EPM2A: variants seen among roughly 807,000 people sequenced by gnomAD.
The protein encoded by EPM2A is laforin.
Under a neutral mutation model 26.5 loss-of-function variants are expected in EPM2A, and 21 were observed. The observed-to-expected ratio is 0.79, with a 90% CI of 0.56 to 1.14. The LOEUF (loss-of-function observed/expected upper bound fraction) is 1.14. Among genes scored for constraint, EPM2A ranks in the 50% most tolerant of loss-of-function variants. The pLI is 0.00. For missense variants in EPM2A, 458 were observed against 440.8 expected (o/e 1.04, Z -0.35); for synonymous variants, 217 against 177.6 (o/e 1.22, Z -1.76).
chr6:145,593,346 CA>C (rs1350679727), intron 2 of EPM2A, among the ~76,000 whole-genome samples: 1 of 152,078 alleles, frequency 6.6e-6, no homozygotes, highest in Non-Finnish European at 1.5e-5. Flanking sequence ...TCTACTTCAA[CA>C]CACCTTTTCA....
chr6:145,488,765 T>C (rs1293495318), intron 4 of EPM2A, among the ~76,000 whole-genome samples: 1 of 152,138 alleles, frequency 6.6e-6, no homozygotes, highest in Non-Finnish European at 1.5e-5. Flanking sequence ...TAAATGATGC[T>C]CATCTTTTTT....
At chr6:145,716,104 C>T (rs771505352) in intron 1 of EPM2A, among the ~76,000 whole-genome samples, 1 of 152,194 alleles carries the variant, frequency 6.6e-6, no homozygotes, top group Non-Finnish European at 1.5e-5. Context: ...CAGCACATCA[C>T]TCCACTCATG....
intron 2 of EPM2A, among the ~76,000 whole-genome samples, chr6:145,679,833 G>C (rs1780364849): frequency 6.6e-6 from 1 of 152,132 alleles, no homozygotes; most frequent in Non-Finnish European, 1.5e-5. Flanking sequence ...TTCTTCAGAG[G>C]AGCTTTAAAC....
chr6:145,472,828 A>G (rs1779493912), intron 4 of EPM2A, among the ~76,000 whole-genome samples: 1 of 152,196 alleles, frequency 6.6e-6, no homozygotes, highest in Non-Finnish European at 1.5e-5. Flanking sequence ...CAAGAACCAC[A>G]GTGTTACTGG....
intron 1 of EPM2A, among the ~76,000 whole-genome samples, chr6:145,722,064 C>T (rs1428776498): frequency 6.6e-6 from 1 of 152,102 alleles, no homozygotes; most frequent in East Asian, 1.9e-4. Flanking sequence ...ATCATTAACC[C>T]TGGTAAATGA....
At position 145,710,361 on chromosome 6, in the gene EPM2A, C is replaced by T. The variant is rs576984299; in HGVS notation, c.302-24065G>A. On this transcript the variant is annotated intron_variant, in intron 1 of 3. Transcript: ENST00000367519. ...AAGACATTTATGCAGCCAAAAAACA[C>T]ATGAAAAAATGCTCACCATCACTGG... is the stretch of plus-strand genomic sequence containing the variant. Among the ~76,000 whole-genome samples the T allele has an allele frequency of 4.3e-4, 65 of 152,256 alleles. 2 individuals carry two copies. The Middle Eastern group carries it at 0.014, about 32-fold the overall frequency.
chr6:145,697,756 G>A (rs753043057), intron 1 of EPM2A, among the ~76,000 whole-genome samples: 12 of 152,250 alleles, frequency 7.9e-5, no homozygotes, highest in East Asian at 5.8e-4. Flanking sequence ...GCTCACTGGC[G>A]GTCAGAGTTT....
intron 2 of EPM2A, among the ~76,000 whole-genome samples, chr6:145,538,347 T>C (rs1266057425): frequency 6.6e-6 from 1 of 152,118 alleles, no homozygotes; most frequent in Non-Finnish European, 1.5e-5. Context: ...AACTTGGAAA[T>C]AAGAGCTATG....
chr6:145,443,247 A>AT (rs1779089258), intron 4 of EPM2A, among the ~76,000 whole-genome samples: 1 of 152,040 alleles, frequency 6.6e-6, no homozygotes, highest in Non-Finnish European at 1.5e-5. Flanking sequence ...CTTAGAATAC[A>AT]TTTTTCTAGT....
intron 4 of EPM2A, among the ~76,000 whole-genome samples, chr6:145,408,056 ATTCC>A (rs1295590411): frequency 6.6e-6 from 1 of 152,148 alleles, no homozygotes; most frequent in Non-Finnish European, 1.5e-5. Flanking sequence ...TGAGGACATA[ATTCC>A]TTATTTCTCC....
In EPM2A at chr6:145,489,044, T is replaced by C. The variant is rs535597582; in HGVS notation, c.555+13478A>G. ...CTGGTTTTGAAACGGCACATGGGTA[T>C]GGATTTTCTTTTCTTAACATTCTCG... On this transcript the variant is annotated intron_variant, in intron 4 of 4. Transcript: ENST00000638717. Among the ~76,000 whole-genome samples the C allele has an allele frequency of 2.0e-5, 3 of 152,298 alleles. No homozygotes were observed. The South Asian group carries it at 6.2e-4, about 32-fold the overall frequency.
chr6:145,657,171 C>T (rs983191893), intron 2 of EPM2A, among the ~76,000 whole-genome samples: 2 of 150,572 alleles, frequency 1.3e-5, no homozygotes, highest in Admixed American at 1.3e-4. Flanking sequence ...CTCACTGCAA[C>T]CTCCGCCTCC....
chr6:145,650,628 T>C (rs1170797720), intron 2 of EPM2A, among the ~76,000 whole-genome samples: 1 of 152,182 alleles, frequency 6.6e-6, no homozygotes, highest in Non-Finnish European at 1.5e-5. Flanking sequence ...GTTTTTGTTA[T>C]GCTATTTGAT....
chr6:145,466,341 C>G (rs1779392996), intron 4 of EPM2A, among the ~76,000 whole-genome samples: 1 of 152,124 alleles, frequency 6.6e-6, no homozygotes, highest in South Asian at 2.1e-4. Context: ...AGGACATGAA[C>G]AGACACTTCT....
intron 2 of EPM2A, among the ~76,000 whole-genome samples, chr6:145,594,382 A>G (rs1188106498): frequency 1.3e-5 from 2 of 151,960 alleles, no homozygotes; most frequent in South Asian, 2.1e-4. Context: ...TATTACAGTA[A>G]GAAATGATAC....
At chr6:145,397,665 T>A (rs1778424041) in intron 4 of EPM2A, among the ~76,000 whole-genome samples, 1 of 152,172 alleles carries the variant, frequency 6.6e-6, no homozygotes, top group African/African-American at 2.4e-5. Context: ...GGTGGTTACA[T>A]ATACTGGAAA....
chr6:145,685,355 T>C (rs922378340), intron 2 of EPM2A, among the ~76,000 whole-genome samples: 2 of 152,114 alleles, frequency 1.3e-5, no homozygotes, highest in South Asian at 4.1e-4. Flanking sequence ...ATTTGTATGA[T>C]GGTAAGTAAC....
chr6:145,635,151 A>G, intron 3 of EPM2A, 94 bp downstream of exon 3: 1 of 1,380,458 alleles, frequency 7.2e-7, no homozygotes, highest in Non-Finnish European at 1.0e-6. Flanking sequence ...CATTTCTACC[A>G]TTCATTTTTA....
chr6:145,405,319 C>T (rs1235584916), intron 4 of EPM2A, among the ~76,000 whole-genome samples: 2 of 152,126 alleles, frequency 1.3e-5, no homozygotes, highest in Non-Finnish European at 2.9e-5. Context: ...CTGATGACAA[C>T]TAGTCTTCTT....
Sources: gnomAD v4.1 joint callset for allele counts (sites outside exome capture counted in the v4.1 genomes callset) on GRCh38, gnomAD v4.1.1 for gene constraint, MANE v1.5 for transcripts, NCBI Gene and HGNC (gene_info 2026-07-23, HGNC 2026-07-21) for gene names.